FOXP2: variants seen among roughly 807,000 people sequenced by gnomAD.
FOXP2 encodes forkhead box P2, also known as forkhead box protein P2.
In FOXP2, 12 loss-of-function variants were observed where a neutral mutation model predicts 115.8. That is an observed-to-expected ratio of 0.10 (90% CI 0.07 to 0.17). The LOEUF (loss-of-function observed/expected upper bound fraction) is 0.17. Among genes scored for constraint, FOXP2 ranks in the 10% least tolerant of loss-of-function variants. The pLI, the probability that FOXP2 is intolerant of heterozygous loss-of-function variation, is 1.00. For synonymous variants in FOXP2, 328 were observed against 297.7 expected, an observed-to-expected ratio of 1.10 and a Z score of -1.05; for missense variants, 629 against 843.5, an observed-to-expected ratio of 0.75 and a Z score of 3.15.
intron 1 of FOXP2, among the ~76,000 whole-genome samples, chr7:114,185,048 T>TA (rs1793555894): frequency 6.6e-6 from 1 of 152,184 alleles, no homozygotes; most frequent in Admixed American, 6.5e-5. Flanking sequence ...ATCTTAAACT[T>TA]ACCTAGATTT....
intron 1 of FOXP2, among the ~76,000 whole-genome samples, chr7:114,415,936 G>A (rs1201559925): frequency 6.6e-6 from 1 of 151,672 alleles, no homozygotes; most frequent in African/African-American, 2.4e-5. Context: ...TTGGTTGGTG[G>A]GTCTTTTTCA....
intron 1 of FOXP2, among the ~76,000 whole-genome samples, chr7:114,177,541 A>G (rs1793347927): frequency 6.6e-6 from 1 of 152,112 alleles, no homozygotes; most frequent in African/African-American, 2.4e-5. Flanking sequence ...CATTTTTTAC[A>G]ATCAAATAAT....
intron 1 of FOXP2, among the ~76,000 whole-genome samples, chr7:114,218,637 A>C (rs1584553601): frequency 1.3e-5 from 2 of 152,360 alleles, no homozygotes; most frequent in East Asian, 3.9e-4. Flanking sequence ...AGAAGATAGA[A>C]TAAAAACAAG....
chr7:114,574,141 T>C (rs542693429), intron 3 of FOXP2, among the ~76,000 whole-genome samples: 1 of 151,918 alleles, frequency 6.6e-6, no homozygotes, highest in African/African-American at 2.4e-5. Context: ...TACTGGGCAG[T>C]AATTGTATGC....
At chr7:114,667,845 T>C (rs1439656626) in intron 16 of FOXP2, 1 of 152,110 alleles carries the variant, frequency 6.6e-6, no homozygotes, top group Non-Finnish European at 1.5e-5. Flanking sequence ...AGGAGAATAT[T>C]CTGAAATTGG....
chr7:114,331,136 C>T (rs1797700358), intron 2 of FOXP2, among the ~76,000 whole-genome samples: 1 of 151,788 alleles, frequency 6.6e-6, no homozygotes, highest in Non-Finnish European at 1.5e-5. Context: ...AGCAAAACAA[C>T]CTTATAAAAT....
chr7:114,298,156 T>C (rs1483693522), intron 2 of FOXP2, among the ~76,000 whole-genome samples: 2 of 152,190 alleles, frequency 1.3e-5, no homozygotes, highest in East Asian at 3.9e-4. Flanking sequence ...CTGACAAAGC[T>C]TAGTTCCTTT....
intron 1 of FOXP2, among the ~76,000 whole-genome samples, chr7:114,111,711 A>C (rs1791271842): frequency 6.6e-6 from 1 of 152,082 alleles, no homozygotes; most frequent in Non-Finnish European, 1.5e-5. Context: ...CAGGATTTAA[A>C]AAAATATATC....
intron 2 of FOXP2, among the ~76,000 whole-genome samples, chr7:114,507,622 A>C (rs2129257963): frequency 6.6e-6 from 1 of 152,054 alleles, no homozygotes; most frequent in East Asian, 1.9e-4. Context: ...TCACAGCTGA[A>C]GTTTTGGTAA....
At chr7:114,409,636 A>T (rs1019885946), upstream of FOXP2, among the ~76,000 whole-genome samples, 1 of 151,956 alleles carries the variant, frequency 6.6e-6, no homozygotes, top group African/African-American at 2.4e-5. Context: ...CATTCTGGCA[A>T]TTTTTCTCTG....
At chr7:114,434,283 TA>T (rs2129208727) in intron 2 of FOXP2, among the ~76,000 whole-genome samples, 1 of 151,974 alleles carries the variant, frequency 6.6e-6, no homozygotes, top group South Asian at 2.1e-4. Context: ...GAAAAATAAA[TA>T]AAGAGGTGAA....
Position 114,139,947 on chromosome 7 carries a change from T to C in FOXP2, c.-246-22997T>C, listed in dbSNP as rs146925837. On this transcript the variant is annotated intron_variant, in intron 1 of 19. Coordinates refer to the FOXP2 transcript ENST00000635638. ...GGGCAACATGATGAAACCCCATCTT[T>C]ACCAAAATACAAAAAATTAGCCAAG... is the stretch of plus-strand genomic sequence containing the variant. Among the ~76,000 whole-genome samples the C allele has an allele frequency of 3.0e-3, 458 of 152,104 alleles. 5 individuals are homozygous for C. The highest frequency in any genetic ancestry group is 0.011 in the African/African-American group (444 of 41,478).
At chr7:114,384,396 T>C (rs1048244780) in intron 2 of FOXP2, among the ~76,000 whole-genome samples, 3 of 152,204 alleles carry the variant, frequency 2.0e-5, no homozygotes, top group African/African-American at 7.2e-5. Flanking sequence ...CTTTTGATTC[T>C]GTAAGTACTT....
intron 2 of FOXP2, among the ~76,000 whole-genome samples, chr7:114,356,440 TA>T (rs1791619062): frequency 6.6e-6 from 1 of 152,080 alleles, no homozygotes; most frequent in Admixed American, 6.6e-5. Flanking sequence ...TGGCTAAAAC[TA>T]AAAAGGTAAA....
At chr7:114,516,312 G>A (rs1348035472) in intron 2 of FOXP2, among the ~76,000 whole-genome samples, 5 of 152,086 alleles carry the variant, frequency 3.3e-5, no homozygotes, top group Non-Finnish European at 4.4e-5. Flanking sequence ...AATGGGGAAA[G>A]GATTTCCTAT....
At chr7:114,322,740 C>T (rs1294039594) in intron 2 of FOXP2, among the ~76,000 whole-genome samples, 2 of 152,112 alleles carry the variant, frequency 1.3e-5, no homozygotes, top group East Asian at 3.9e-4. Context: ...CTCATACAAA[C>T]CTAGTAGTCA....
chr7:114,539,501 T>A (rs1326141644), intron 3 of FOXP2, among the ~76,000 whole-genome samples: 1 of 151,910 alleles, frequency 6.6e-6, no homozygotes, highest in East Asian at 1.9e-4. Flanking sequence ...TCTTTACTAT[T>A]TATATTTTCT....
At position 114,155,232 on chromosome 7, in the gene FOXP2, C is replaced by T. The variant is rs576942137; in HGVS notation, c.-246-7712C>T. Among the ~76,000 whole-genome samples, 5 of 152,234 alleles carry T rather than the reference C, an allele frequency of 3.3e-5. No individual in the cohort carries two copies. The East Asian group carries it at 9.7e-4, about 29-fold the overall frequency. ...TCCAGGAAGGACATTCCAAAGTAAA[C>T]CTGAACATCTAGTTCAAGCCATGAT... On this transcript the variant is annotated intron_variant, in intron 1 of 19. Transcript: ENST00000635638.
intron 3 of FOXP2, among the ~76,000 whole-genome samples, chr7:114,537,645 C>T (rs897168395): frequency 6.6e-6 from 1 of 151,560 alleles, no homozygotes; most frequent in Non-Finnish European, 1.5e-5. Flanking sequence ...TTTTGTGCTA[C>T]AGATGGCATA....
Sources: gnomAD v4.1 joint callset for allele counts (sites outside exome capture counted in the v4.1 genomes callset) on GRCh38, gnomAD v4.1.1 for gene constraint, MANE v1.5 for transcripts, NCBI Gene and HGNC (gene_info 2026-07-23, HGNC 2026-07-21) for gene names.